Variants in NELL1 observed in about 807,000 individuals in gnomAD.
NELL1 encodes the protein neural EGFL like 1, also known as protein kinase C-binding protein NELL1.
A neutral mutation model predicts 107.4 loss-of-function variants in NELL1; 76 were observed. That is an observed-to-expected ratio of 0.71 (90% CI 0.59 to 0.86). The LOEUF (loss-of-function observed/expected upper bound fraction) is 0.86, where lower values mean the gene tolerates loss of function less well. Ranked by LOEUF, NELL1 falls within the 40% of genes least tolerant of loss-of-function variation. The probability of loss-of-function intolerance (pLI) is 0.00; values close to 1 mark genes in which losing one functional copy is unlikely to be tolerated. For synonymous variants in NELL1, 353 were observed against 341.2 expected (o/e 1.03, Z -0.38); for missense variants, 1,024 against 1,005.5 (o/e 1.02, Z -0.25).
At chr11:21,366,124 A>C (rs1210811506) in intron 14 of NELL1, among the ~76,000 whole-genome samples, 1 of 152,140 alleles carries the variant, frequency 6.6e-6, no homozygotes, top group Non-Finnish European at 1.5e-5. Flanking sequence ...CCAAAAAGCA[A>C]ATGTAAAGGT....
chr11:20,783,683 T>A lies in NELL1; in HGVS notation c.188T>A (p.Ile63Lys), dbSNP rs201312946. The change falls in exon 3 of 20, where the codon ATA (isoleucine) becomes AAA (lysine). Residue 63 changes from isoleucine to lysine, a missense_variant. By Grantham distance (102) the Ile-to-Lys change is moderately radical (BLOSUM62 -3). Coordinates refer to ENST00000357134, the MANE Select transcript of NELL1 (RefSeq NM_006157.5). ...TGCTTTTCTTCTTGATTCCTAGACATAGAAAGAGAGATCCATGCAGCTCCT... is the reference window on the plus strand; with the variant it reads ...TGCTTTTCTTCTTGATTCCTAGACAAAGAAAGAGAGATCCATGCAGCTCCT... ...NASKAFLFQDIEREIHAAPHV... is the reference protein window; with the variant it reads ...NASKAFLFQDKEREIHAAPHV... The A allele has an allele frequency of 3.1e-6, 5 of 1,612,454 alleles. No homozygotes were observed. Among genetic ancestry groups the A allele is most frequent in the Non-Finnish European group, 4.2e-6 (5 of 1,179,240 alleles).
At chr11:20,940,192 CCTCT>C (rs376167005) in intron 10 of NELL1, among the ~76,000 whole-genome samples, 1 of 149,576 alleles carries the variant, frequency 6.7e-6, no homozygotes. Flanking sequence ...TCCCTCCGTC[CCTCT>C]CTCTCTCTCT....
intron 15 of NELL1, among the ~76,000 whole-genome samples, chr11:21,465,151 G>A (rs1853995090): frequency 6.6e-6 from 1 of 152,058 alleles, no homozygotes; most frequent in Non-Finnish European, 1.5e-5. Flanking sequence ...TAAGATTCTT[G>A]AGGAGGTGAT....
At chr11:21,533,033 C>T (rs1042295475) in intron 15 of NELL1, among the ~76,000 whole-genome samples, 2 of 152,104 alleles carry the variant, frequency 1.3e-5, no homozygotes, top group African/African-American at 4.8e-5. Flanking sequence ...AGATCCTATA[C>T]AAATATTAGG....
rs182417643 is a variant in NELL1 at position 21,110,623 on chromosome 11, A to G, written c.1301-2966A>G. On this transcript the variant is annotated intron_variant, in intron 12 of 19. Transcript: ENST00000357134. Reference sequence around the variant, plus strand: ...TGACAGGGAAACATTCATTGCAGTCAGCAGGCTGGCTGGCAGCTGTGGCCC... The same window carrying G: ...TGACAGGGAAACATTCATTGCAGTCGGCAGGCTGGCTGGCAGCTGTGGCCC... Among the ~76,000 whole-genome samples, 550 of 152,268 alleles carry G rather than the reference A, an allele frequency of 3.6e-3. 1 individual carries two copies. Among genetic ancestry groups the G allele is most frequent in the Middle Eastern group, 0.01 (3 of 294 alleles).
intron 2 of NELL1, among the ~76,000 whole-genome samples, chr11:20,763,451 CACCA>C (rs1436975059): frequency 1.3e-5 from 2 of 152,104 alleles, no homozygotes. Flanking sequence ...ATGAAGGAGA[CACCA>C]AGATTCAGAG....
intron 15 of NELL1, among the ~76,000 whole-genome samples, chr11:21,422,275 C>G (rs528159198): frequency 6.6e-6 from 1 of 152,058 alleles, no homozygotes; most frequent in Non-Finnish European, 1.5e-5. Context: ...ATGCAAAACT[C>G]CATGAAGAAA....
intron 13 of NELL1, among the ~76,000 whole-genome samples, chr11:21,115,370 ACACACG>A (rs1855209934): frequency 7.2e-6 from 1 of 139,028 alleles, no homozygotes; most frequent in Non-Finnish European, 1.6e-5. Flanking sequence ...ACACACACAC[ACACACG>A]CTTTTTTGTT....
chr11:21,425,230 T>C (rs1852788980), intron 15 of NELL1, among the ~76,000 whole-genome samples: 2 of 152,070 alleles, frequency 1.3e-5, no homozygotes, highest in African/African-American at 4.8e-5. Context: ...AGTCTTTTGT[T>C]GCAGAAAGAA....
intron 14 of NELL1, among the ~76,000 whole-genome samples, chr11:21,277,368 A>G (rs1333249463): frequency 7.3e-5 from 11 of 151,630 alleles, no homozygotes. Flanking sequence ...CACACCAGCT[A>G]GAATGGCAAT....
chr11:21,045,459 A>G (rs970794256), intron 12 of NELL1, among the ~76,000 whole-genome samples: 30 of 152,160 alleles, frequency 2.0e-4, no homozygotes, highest in African/African-American at 6.8e-4. Context: ...GAAATGTTTT[A>G]TAGAGAAGAG....
chr11:20,969,306 C>T (rs1289821676), intron 12 of NELL1, among the ~76,000 whole-genome samples: 2 of 152,096 alleles, frequency 1.3e-5, no homozygotes, highest in Non-Finnish European at 2.9e-5. Flanking sequence ...TCACAGTTTC[C>T]CCTGTGCTGC....
chr11:21,287,758 G>T (rs1849157442), intron 14 of NELL1, among the ~76,000 whole-genome samples: 1 of 151,390 alleles, frequency 6.6e-6, no homozygotes, highest in African/African-American at 2.4e-5. Context: ...ATTTTTTGCT[G>T]AGATTGAGGG....
rs11025943 is a variant in NELL1 at position 21,142,015 on chromosome 11, C to T, written c.1426+28301C>T. On this transcript the variant is annotated intron_variant, in intron 13 of 19. Coordinates refer to ENST00000357134, the MANE Select transcript of NELL1 (RefSeq NM_006157.5). ...CTGACCTCAGGTGATCCATCTGCTTCGGCCTCCCAAAGTGCTGGGATTATA... is the reference window on the plus strand; with the variant it reads ...CTGACCTCAGGTGATCCATCTGCTTTGGCCTCCCAAAGTGCTGGGATTATA... Among the ~76,000 whole-genome samples the T allele has an allele frequency of 1.2e-4, 18 of 152,210 alleles. No individual in the cohort carries two copies. The East Asian group carries it at 2.3e-3, about 20-fold the overall frequency.
Position 21,240,729 on chromosome 11 carries a change from A to C in NELL1, c.1549+11275A>C, listed in dbSNP as rs182071831. On this transcript the variant is annotated intron_variant, in intron 14 of 19. Transcript: ENST00000357134. The stretch of plus-strand genomic sequence containing the variant: ...GTGCACCTTGACGTAGTCTTGTCCT[A>C]GCCTTTAATATTCCTTTCCTTCAAG... Among the ~76,000 whole-genome samples the C allele has an allele frequency of 1.9e-3, 227 of 120,390 alleles. 2 individuals carry two copies. The highest frequency in any genetic ancestry group is 6.2e-3 in the African/African-American group (193 of 31,122). The allele number at this position is 120,390 out of a possible 152,430, so 79.0% of individuals were successfully genotyped here. A position where few individuals can be genotyped will look rare whatever the true frequency, so the allele number is the denominator to read the frequency against.
At chr11:21,114,789 A>T (rs575651764) in intron 13 of NELL1, among the ~76,000 whole-genome samples, 1 of 151,990 alleles carries the variant, frequency 6.6e-6, no homozygotes, top group Non-Finnish European at 1.5e-5. Flanking sequence ...GAAGAGAGAG[A>T]CTGCATAAAC....
intron 3 of NELL1, among the ~76,000 whole-genome samples, chr11:20,802,287 G>C (rs1245065174): frequency 1.3e-5 from 2 of 151,910 alleles, no homozygotes; most frequent in Admixed American, 1.3e-4. Context: ...CAAGTTTTCT[G>C]TATAGAGATC....
At chr11:21,084,899 C>T (rs1486298595) in intron 12 of NELL1, among the ~76,000 whole-genome samples, 1 of 152,146 alleles carries the variant, frequency 6.6e-6, no homozygotes, top group African/African-American at 2.4e-5. Context: ...CAGAATTAGA[C>T]TACCTGGTAT....
intron 10 of NELL1, among the ~76,000 whole-genome samples, chr11:20,941,321 G>A (rs1850850214): frequency 6.6e-6 from 1 of 152,144 alleles, no homozygotes; most frequent in African/African-American, 2.4e-5. Context: ...CTTCCCTCTG[G>A]AGGATAAGAG....
Sources: gnomAD v4.1 joint callset for allele counts (sites outside exome capture counted in the v4.1 genomes callset) on GRCh38, gnomAD v4.1.1 for gene constraint, MANE v1.5 for transcripts, NCBI Gene and HGNC (gene_info 2026-07-23, HGNC 2026-07-21) for gene names.